CNBD1: variants seen among roughly 807,000 people sequenced by gnomAD.
CNBD1 encodes the protein cyclic nucleotide binding domain containing 1.
A neutral mutation model predicts 54.4 loss-of-function variants in CNBD1; 71 were observed. The ratio of observed to expected loss-of-function variants is 1.30; its 90% CI spans 1.08 to 1.59. The LOEUF (loss-of-function observed/expected upper bound fraction) is 1.59, where lower values mean the gene tolerates loss of function less well. Ranked by LOEUF, CNBD1 falls within the 40% of genes most tolerant of loss-of-function variation. CNBD1 has a pLI of 0.00. For synonymous variants in CNBD1, 182 were observed against 170.7 expected (o/e 1.07, Z -0.51); for missense variants, 659 against 518.0 (o/e 1.27, Z -2.64).
chr8:87,236,037 A>G (rs971239632), intron 5 of CNBD1, among the ~76,000 whole-genome samples: 2 of 152,142 alleles, frequency 1.3e-5, no homozygotes, highest in African/African-American at 4.8e-5. Context: ...CATGGCAAGC[A>G]TTTGATGACT....
At chr8:87,303,749 C>G (rs1459211631) in intron 8 of CNBD1, among the ~76,000 whole-genome samples, 1 of 140,320 alleles carries the variant, frequency 7.1e-6, no homozygotes, top group African/African-American at 2.7e-5. Flanking sequence ...TGACAAAGAG[C>G]TAATATCCAG....
In CNBD1 at chr8:87,308,659, C is replaced by A. The variant is rs188330806; in HGVS notation, c.1042+21988C>A. ...AGTATATTGTTGTTAACTATAGTCA[C>A]CTTACTGTGATTTGGAACACTAGAA... is the stretch of plus-strand genomic sequence containing the variant. On this transcript the variant is annotated intron_variant, in intron 8 of 10. Transcript: ENST00000518476. Among the ~76,000 whole-genome samples, 558 of 152,214 alleles carry A rather than the reference C, an allele frequency of 3.7e-3. 1 individual carries two copies. Among genetic ancestry groups the A allele is most frequent in the South Asian group, 0.012 (56 of 4,816 alleles).
chr8:87,316,916 T>C (rs1021306682), intron 8 of CNBD1, among the ~76,000 whole-genome samples: 3 of 151,724 alleles, frequency 2.0e-5, no homozygotes, highest in Non-Finnish European at 4.4e-5. Flanking sequence ...ATGGAATGCA[T>C]TTTAGAATGT....
Position 87,334,105 on chromosome 8 carries a change from C to A in CNBD1, c.1043-17580C>A, listed in dbSNP as rs181650443. On this transcript the variant is annotated intron_variant, in intron 8 of 10. Transcript: ENST00000518476. ...GGATTTAATTTCTTCCTGGTTTAGT[C>A]TTGGGAGGGTGTATGTGTCCAAGAA... Among the ~76,000 whole-genome samples, 3 of 152,140 alleles carry A rather than the reference C, an allele frequency of 2.0e-5. 1 individual carries two copies. Among genetic ancestry groups the A allele is most frequent in the African/African-American group, 7.2e-5 (3 of 41,498 alleles).
rs375063788 is a variant in CNBD1 at position 87,422,350 on chromosome 8, G to A, written c.214-6196G>A. ...TGTTTTAGACATGAAGTCCTTGCCC[G>A]TGCCTATGTCCTGAATGGTAATGCC... On this transcript the variant is annotated intron_variant, in intron 2 of 7. Coordinates refer to the CNBD1 transcript ENST00000521593. Among the ~76,000 whole-genome samples, 87 of 145,644 alleles carry A rather than the reference G, an allele frequency of 6.0e-4. 1 individual carries two copies. Among genetic ancestry groups the A allele is most frequent in the East Asian group, 2.7e-3 (14 of 5,148 alleles).
chr8:87,374,195 A>G (rs1810878330), intron 10 of CNBD1, among the ~76,000 whole-genome samples: 1 of 151,816 alleles, frequency 6.6e-6, no homozygotes, highest in Admixed American at 6.6e-5. Context: ...AACCACTGAA[A>G]TATAATCATC....
intron 10 of CNBD1, among the ~76,000 whole-genome samples, chr8:87,377,641 G>A (rs1810978785): frequency 6.7e-6 from 1 of 150,146 alleles, no homozygotes; most frequent in African/African-American, 2.5e-5. Context: ...ATAGCAGCAT[G>A]ATTTATAGTC....
rs892267556 is a variant in CNBD1 at position 87,359,099 on chromosome 8, T to G, written c.1303+5313T>G. 4.9e-4 allele frequency among the ~76,000 whole-genome samples: 74 copies of G among 152,180 alleles called. 2 individuals are homozygous for G. Among genetic ancestry groups the G allele is most frequent in the Admixed American group, 4.8e-3 (74 of 15,260 alleles). ...AGCCCAGTCAAGGTGGCACATAAAGTTAAGTGTCACATACAAAAGTGTTTC... is the reference window on the plus strand; with the variant it reads ...AGCCCAGTCAAGGTGGCACATAAAGGTAAGTGTCACATACAAAAGTGTTTC... On this transcript the variant is annotated intron_variant, in intron 10 of 10. Coordinates refer to ENST00000518476, the MANE Select transcript of CNBD1 (RefSeq NM_173538.3).
rs185264093 is a variant in CNBD1 at position 86,878,756 on chromosome 8, A to G, written c.89-8786A>G. Among the ~76,000 whole-genome samples the G allele has an allele frequency of 1.4e-3, 208 of 152,198 alleles. 5 individuals carry two copies. Among genetic ancestry groups the G allele is most frequent in the African/African-American group, 4.7e-3 (194 of 41,534 alleles). On this transcript the variant is annotated intron_variant, in intron 1 of 10. Coordinates refer to ENST00000518476, the MANE Select transcript of CNBD1 (RefSeq NM_173538.3). ...CAGCTTCCCCTGGAGAACTCTTCCT[A>G]TTTCCTCAAACAAGACCAGTATGCA...
intron 4 of CNBD1, among the ~76,000 whole-genome samples, chr8:87,144,838 AAT>A (rs1364139569): frequency 2.0e-5 from 3 of 150,942 alleles, no homozygotes; most frequent in African/African-American, 7.4e-5. Flanking sequence ...AAAAAAAAAA[AAT>A]ACTTGAGTGA....
chr8:86,960,986 T>G (rs1807914653), intron 4 of CNBD1, among the ~76,000 whole-genome samples: 1 of 152,234 alleles, frequency 6.6e-6, no homozygotes, highest in Admixed American at 6.5e-5. Context: ...GTTTATGACC[T>G]TAAAGCCTTT....
intron 8 of CNBD1, among the ~76,000 whole-genome samples, chr8:87,336,862 C>T (rs1481150646): frequency 4.6e-5 from 7 of 152,048 alleles, no homozygotes; most frequent in Admixed American, 4.6e-4. Flanking sequence ...AGCTACTGAC[C>T]CTTGGATGAG....
chr8:87,074,049 C>T (rs1312270350), intron 4 of CNBD1, among the ~76,000 whole-genome samples: 8 of 148,956 alleles, frequency 5.4e-5, no homozygotes, highest in African/African-American at 9.9e-5. Flanking sequence ...TGCAGTGAGC[C>T]GAGATCGCGC....
chr8:87,254,313 AG>A lies in CNBD1; in HGVS notation c.771+17204del, dbSNP rs144963247. ...GAGAGATAGTTGGAAAAGGACTCAT[AG>A]GGTAACAATTAATAAAGAGGCTATT... On this transcript the variant is annotated intron_variant, in intron 6 of 10. Coordinates refer to ENST00000518476, the MANE Select transcript of CNBD1 (RefSeq NM_173538.3). Among the ~76,000 whole-genome samples, 1,142 of 152,342 alleles carry A rather than the reference AG, an allele frequency of 7.5e-3. 15 individuals carry two copies. Among genetic ancestry groups the A allele is most frequent in the African/African-American group, 0.026 (1,083 of 41,580 alleles).
intron 1 of CNBD1, among the ~76,000 whole-genome samples, chr8:86,883,718 T>G (rs983776746): frequency 6.6e-6 from 1 of 152,088 alleles, no homozygotes; most frequent in Non-Finnish European, 1.5e-5. Flanking sequence ...TGAAAAAAAT[T>G]TCAAAAAATA....
At chr8:87,382,280 A>T (rs1811093744) in intron 10 of CNBD1, among the ~76,000 whole-genome samples, 1 of 151,998 alleles carries the variant, frequency 6.6e-6, no homozygotes, top group Non-Finnish European at 1.5e-5. Flanking sequence ...TGAAACAATG[A>T]CTGCCAACAA....
chr8:87,306,827 T>C (rs757003615), intron 8 of CNBD1, among the ~76,000 whole-genome samples: 2 of 152,106 alleles, frequency 1.3e-5, no homozygotes, highest in Admixed American at 6.6e-5. Flanking sequence ...GCCTGGGTCA[T>C]GGGTGCCCCA....
At chr8:87,077,372 A>G (rs1393542483) in intron 4 of CNBD1, among the ~76,000 whole-genome samples, 3 of 150,520 alleles carry the variant, frequency 2.0e-5, no homozygotes, top group African/African-American at 7.3e-5. Context: ...CATGGCAGAA[A>G]GACGGCTAAC....
At chr8:86,985,366 C>T (rs1194575221) in intron 4 of CNBD1, among the ~76,000 whole-genome samples, 1 of 152,110 alleles carries the variant, frequency 6.6e-6, no homozygotes, top group African/African-American at 2.4e-5. Flanking sequence ...ACCCACTAGC[C>T]AGTTTTTCAA....
Sources: gnomAD v4.1 joint callset for allele counts (sites outside exome capture counted in the v4.1 genomes callset) on GRCh38, gnomAD v4.1.1 for gene constraint, MANE v1.5 for transcripts, NCBI Gene and HGNC (gene_info 2026-07-23, HGNC 2026-07-21) for gene names.